Variants in STAT1 observed in about 807,000 individuals in gnomAD.
The protein encoded by STAT1 is signal transducer and activator of transcription 1.
In STAT1, 24 loss-of-function variants were observed where a neutral mutation model predicts 111.7. That is an observed-to-expected ratio of 0.21 (90% CI 0.16 to 0.30). The LOEUF (loss-of-function observed/expected upper bound fraction) is 0.30, where lower values mean the gene tolerates loss of function less well. Ranked by LOEUF, STAT1 falls within the 10% of genes least tolerant of loss-of-function variation. STAT1 has a pLI of 1.00. For synonymous variants in STAT1, 332 were observed against 326.5 expected, an observed-to-expected ratio of 1.02 and a Z score of -0.18; for missense variants, 351 against 911.9, an observed-to-expected ratio of 0.38 and a Z score of 7.92.
Position 191,007,549 on chromosome 2 carries a change from T to G in STAT1, c.372+14A>C. ...ATTTTATTACAGTTTATGTGTTCAA[T>G]GAGAAAAAAGTACCTGATTAAATCT... On this transcript the variant is annotated intron_variant, in intron 5 of 24. Transcript: ENST00000361099. The surrounding 1 kb of genome is among the most constrained non-coding windows in gnomAD (Gnocchi z 4.2). 1.9e-6 allele frequency: 3 copies of G among 1,585,886 alleles called. No individual in the cohort carries two copies. Among genetic ancestry groups the G allele is most frequent in the Non-Finnish European group, 2.6e-6 (3 of 1,154,918 alleles).
chr2:190,982,595 AT>A lies in STAT1; in HGVS notation c.1447-78del. 2 of 1,526,056 alleles carry A rather than the reference AT, an allele frequency of 1.3e-6. No homozygotes were observed. The highest frequency in any genetic ancestry group is 1.8e-6 in the Non-Finnish European group (2 of 1,100,586). The allele number at this position is 1,526,056 out of a possible 1,614,324, so 94.5% of individuals were successfully genotyped here. On this transcript the variant is annotated intron_variant, in intron 17 of 24. Transcript: ENST00000361099. The surrounding 1 kb of genome is among the most constrained non-coding windows in gnomAD (Gnocchi z 7.3). Reference sequence around the variant, plus strand: ...AAGTGTGGCACTAAAACATATGTCCATCCCAAAGTTCAATTCTAGTTTATAT... The same window carrying A: ...AAGTGTGGCACTAAAACATATGTCCACCCAAAGTTCAATTCTAGTTTATAT...
In STAT1 at chr2:191,013,519, A is replaced by T. The variant is rs943706926; in HGVS notation, c.-2+6T>A. 1 of 398,008 alleles carries T rather than the reference A, an allele frequency of 2.5e-6. No individual in the cohort carries two copies. The highest frequency in any genetic ancestry group is 2.1e-5 in the African/African-American group (1 of 48,650). 24.7% of individuals were successfully genotyped at this position (398,008 alleles called of 1,614,324 possible). On this transcript the variant is annotated splice_donor_region_variant and intron_variant, in intron 2 of 24. Coordinates refer to ENST00000361099, the MANE Select transcript of STAT1 (RefSeq NM_007315.4). ...CATTCATCTGATTCCATGAACATTTACTGACCTGCCACCTTGTGCCCCAAC... is the reference window on the plus strand; with the variant it reads ...CATTCATCTGATTCCATGAACATTTTCTGACCTGCCACCTTGTGCCCCAAC...
intron 24 of STAT1, among the ~76,000 whole-genome samples, chr2:190,972,090 T>C (rs927839107): frequency 6.6e-6 from 1 of 152,098 alleles, no homozygotes; most frequent in Admixed American, 6.5e-5. Flanking sequence ...GATAGATAGA[T>C]AGAGGAAGAG....
At position 190,976,130 on chromosome 2, in the gene STAT1, G is replaced by A. The variant is rs1227015503; in HGVS notation, c.2060-243C>T. 2.0e-5 allele frequency among the ~76,000 whole-genome samples: 3 copies of A among 152,194 alleles called. No individual in the cohort carries two copies. The highest frequency in any genetic ancestry group is 7.2e-5 in the African/African-American group (3 of 41,458). ...TAGTGTTCAGCAGGACACTAGCTAGGAGCTTTCTCTTTACACAACTTGAAA... is the reference window on the plus strand; with the variant it reads ...TAGTGTTCAGCAGGACACTAGCTAGAAGCTTTCTCTTTACACAACTTGAAA... On this transcript the variant is annotated intron_variant, in intron 22 of 24. Transcript: ENST00000361099. The surrounding 1 kb of genome is among the most constrained non-coding windows in gnomAD (Gnocchi z 6.0).
chr2:190,980,723 T>C lies in STAT1; in HGVS notation c.1583-54A>G. ...CAAACAGAAACTGATTCTAAAGCTT[T>C]GGTTGGACGGATGGCTCTTGTATTT... On this transcript the variant is annotated intron_variant, in intron 18 of 24. Transcript: ENST00000361099. The surrounding 1 kb of genome is among the most constrained non-coding windows in gnomAD (Gnocchi z 6.1). The C allele has an allele frequency of 1.3e-6, 2 of 1,563,944 alleles. No homozygotes were observed. The highest frequency in any genetic ancestry group is 1.8e-6 in the Non-Finnish European group (2 of 1,134,770).
chr2:191,011,546 G>A (rs1695117708), intron 2 of STAT1, among the ~76,000 whole-genome samples: 1 of 151,828 alleles, frequency 6.6e-6, no homozygotes, highest in African/African-American at 2.4e-5. Flanking sequence ...AGCCTCCCAA[G>A]GAGCTCAGAC....
At position 191,007,865 on chromosome 2, in the gene STAT1, G is replaced by T. The variant is rs193141374; in HGVS notation, c.274-204C>A. 3.9e-5 allele frequency: 23 copies of T among 593,954 alleles called. No individual in the cohort carries two copies. Among genetic ancestry groups the T allele is most frequent in the Non-Finnish European group, 6.0e-5 (20 of 334,250 alleles). The allele number at this position is 593,954 out of a possible 1,614,324, so 36.8% of individuals were successfully genotyped here. A position where few individuals can be genotyped will look rare whatever the true frequency, so the allele number is the denominator to read the frequency against. On this transcript the variant is annotated intron_variant, in intron 4 of 24. Transcript: ENST00000361099. The surrounding 1 kb of genome is among the most constrained non-coding windows in gnomAD (Gnocchi z 4.2). ...AATTGCTTTAACTTTCTAAGTGCAG[G>T]TACCTAACGTACTTTTTGATTTAAA...
Position 190,977,092 on chromosome 2 carries a change from A to C in STAT1, c.1874-67T>G, listed in dbSNP as rs1418186589. On this transcript the variant is annotated intron_variant, in intron 21 of 24. Transcript: ENST00000361099. The surrounding 1 kb of genome is among the most constrained non-coding windows in gnomAD (Gnocchi z 4.7). ...AAAATGAAAGAGGACAGAGAAATAA[A>C]ACACTGCAGAGTTGATGGATTTGAG... is the stretch of plus-strand genomic sequence containing the variant. 1 of 1,501,378 alleles carries C rather than the reference A, an allele frequency of 6.7e-7. No homozygotes were observed. The highest frequency in any genetic ancestry group is 9.3e-7 in the Non-Finnish European group (1 of 1,079,350). 93.0% of individuals were successfully genotyped at this position (1,501,378 alleles called of 1,614,324 possible).
chr2:190,991,398 A>G (rs531627324), intron 10 of STAT1, 78 bp from the exon 11 acceptor site: 2 of 1,339,818 alleles, frequency 1.5e-6, no homozygotes, highest in African/African-American at 2.9e-5. Context: ...TTCCTGAAAG[A>G]AAAAAGGGGG....
chr2:190,989,754 T>G lies in STAT1; in HGVS notation c.1038-80A>C, dbSNP rs977175687. The stretch of plus-strand genomic sequence containing the variant: ...TTATTATGCCAATTCCCTATTAACG[T>G]TTAGATAAACTACTCCCCCTCCAGT... On this transcript the variant is annotated intron_variant, in intron 11 of 24. Coordinates refer to ENST00000361099, the MANE Select transcript of STAT1 (RefSeq NM_007315.4). This position sits in a 1 kb window ranked among gnomAD's most constrained non-coding sequence, Gnocchi z 5.0. 1 of 1,061,056 alleles carries G rather than the reference T, an allele frequency of 9.4e-7. No individual in the cohort carries two copies. Among genetic ancestry groups the G allele is most frequent in the African/African-American group, 1.6e-5 (1 of 62,566 alleles). 65.7% of individuals were successfully genotyped at this position (1,061,056 alleles called of 1,614,324 possible).
chr2:190,976,789 C>T lies in STAT1; in HGVS notation c.2059+51G>A, dbSNP rs573951679. 1 of 1,500,914 alleles carries T rather than the reference C, an allele frequency of 6.7e-7. No individual in the cohort carries two copies. Among genetic ancestry groups the T allele is most frequent in the Non-Finnish European group, 9.3e-7 (1 of 1,077,264 alleles). 93.0% of individuals were successfully genotyped at this position (1,500,914 alleles called of 1,614,324 possible). A position where few individuals can be genotyped will look rare whatever the true frequency, so the allele number is the denominator to read the frequency against. On this transcript the variant is annotated intron_variant, in intron 22 of 24. Coordinates refer to ENST00000361099, the MANE Select transcript of STAT1 (RefSeq NM_007315.4). The surrounding 1 kb of genome is among the most constrained non-coding windows in gnomAD (Gnocchi z 6.0). The stretch of plus-strand genomic sequence containing the variant: ...GGTGGAGTTTCAGAATAATCACCCC[C>T]TCATCAGGAAAGACTGTGCCACGCT...
Position 190,986,740 on chromosome 2 carries a change from A to T in STAT1, c.1221+114T>A. On this transcript the variant is annotated intron_variant, in intron 14 of 24. Transcript: ENST00000361099. This position sits in a 1 kb window ranked among gnomAD's most constrained non-coding sequence, Gnocchi z 5.0. ...CAGGAAGACACCAGCCACAAAGTCTACAAACCCCAGCAGGGGGGCGTCCTC... is the reference window on the plus strand; with the variant it reads ...CAGGAAGACACCAGCCACAAAGTCTTCAAACCCCAGCAGGGGGGCGTCCTC... The T allele has an allele frequency of 9.5e-7, 1 of 1,053,772 alleles. No individual in the cohort carries two copies. Among genetic ancestry groups the T allele is most frequent in the Non-Finnish European group, 1.5e-6 (1 of 674,602 alleles). 65.3% of individuals were successfully genotyped at this position (1,053,772 alleles called of 1,614,324 possible).
rs999274755 is a variant in STAT1 at position 190,977,656 on chromosome 2, T to G, written c.1874-631A>C. On this transcript the variant is annotated intron_variant, in intron 21 of 24. Coordinates refer to ENST00000361099, the MANE Select transcript of STAT1 (RefSeq NM_007315.4). This position sits in a 1 kb window ranked among gnomAD's most constrained non-coding sequence, Gnocchi z 4.7. ...CTTCCAGAGGCCACGGTTCAGGTGT[T>G]CTGGGGAGCCTGCTGTGGAACATGA... Among the ~76,000 whole-genome samples, 4 of 152,144 alleles carry G rather than the reference T, an allele frequency of 2.6e-5. No homozygotes were observed. Among genetic ancestry groups the G allele is most frequent in the African/African-American group, 9.7e-5 (4 of 41,426 alleles).
chr2:190,996,934 T>C lies in STAT1; in HGVS notation c.785+922A>G, dbSNP rs1184839709. 6.6e-6 allele frequency among the ~76,000 whole-genome samples: 1 copy of C among 152,218 alleles called. No individual in the cohort carries two copies. The highest frequency in any genetic ancestry group is 1.5e-5 in the Non-Finnish European group (1 of 68,036). On this transcript the variant is annotated intron_variant, in intron 9 of 24. Transcript: ENST00000361099. The surrounding 1 kb of genome is among the most constrained non-coding windows in gnomAD (Gnocchi z 4.5). ...CCTCCAGGCTGTGGCCAGAGTGCCC[T>C]TTCTAAATCAAAGATCAGAGAAATA...
Position 190,986,564 on chromosome 2 carries a change from T to C in STAT1, c.1221+290A>G, listed in dbSNP as rs1373750892. ...TGAGAAAACTGCAAGCGTAGGTGAG[T>C]GACCGTGGGGATCATGCAGGCAGCA... On this transcript the variant is annotated intron_variant, in intron 14 of 24. Coordinates refer to ENST00000361099, the MANE Select transcript of STAT1 (RefSeq NM_007315.4). This position sits in a 1 kb window ranked among gnomAD's most constrained non-coding sequence, Gnocchi z 5.0. Among the ~76,000 whole-genome samples the C allele has an allele frequency of 6.6e-6, 1 of 152,168 alleles. No homozygotes were observed. Among genetic ancestry groups the C allele is most frequent in the Non-Finnish European group, 1.5e-5 (1 of 68,028 alleles).
At chr2:191,008,545 T>C (rs1694878104) in intron 4 of STAT1, among the ~76,000 whole-genome samples, 1 of 152,214 alleles carries the variant, frequency 6.6e-6, no homozygotes, top group Non-Finnish European at 1.5e-5. Context: ...AAGTCAAACC[T>C]TTCCTGTTTT....
chr2:190,992,931 A>G (rs1219804309), intron 10 of STAT1, among the ~76,000 whole-genome samples: 2 of 151,956 alleles, frequency 1.3e-5, no homozygotes, highest in Non-Finnish European at 2.9e-5. Flanking sequence ...CTGGGATTAC[A>G]GGCGCCCGCC....
Position 190,982,950 on chromosome 2 carries a change from CCT to C in STAT1, c.1447-434_1447-433del, listed in dbSNP as rs1267209561. ...CATTTTGTGACTGCTGTTGGTGATC[CCT>C]GTTTAAAATGGTGCCCGAGCATAGT... On this transcript the variant is annotated intron_variant, in intron 17 of 24. Coordinates refer to ENST00000361099, the MANE Select transcript of STAT1 (RefSeq NM_007315.4). The surrounding 1 kb of genome is among the most constrained non-coding windows in gnomAD (Gnocchi z 7.3). Among the ~76,000 whole-genome samples, 2 of 152,100 alleles carry C rather than the reference CCT, an allele frequency of 1.3e-5. No individual in the cohort carries two copies. Among genetic ancestry groups the C allele is most frequent in the Non-Finnish European group, 2.9e-5 (2 of 68,024 alleles).
In STAT1 at chr2:190,973,984, A is replaced by G. The variant is rs149503381; in HGVS notation, c.2238+846T>C. Among the ~76,000 whole-genome samples, 855 of 152,114 alleles carry G rather than the reference A, an allele frequency of 5.6e-3. 10 individuals are homozygous for G. Among genetic ancestry groups the G allele is most frequent in the African/African-American group, 0.02 (810 of 41,456 alleles). On this transcript the variant is annotated intron_variant, in intron 24 of 24. Coordinates refer to ENST00000361099, the MANE Select transcript of STAT1 (RefSeq NM_007315.4). The surrounding 1 kb of genome is among the most constrained non-coding windows in gnomAD (Gnocchi z 4.4). ...GCCTTCCTCTCTTTGTTGAGCACCT[A>G]CTTTTTGCCAGGCACCGGGTATACA...
Sources: allele counts gnomAD v4.1 joint callset (sites outside exome capture counted in the v4.1 genomes callset), GRCh38; gene constraint gnomAD v4.1.1; non-coding constraint Gnocchi (gnomAD v3.1); transcripts MANE v1.5; gene names NCBI Gene and HGNC (gene_info 2026-07-23, HGNC 2026-07-21).